MSRA: variants seen among roughly 807,000 people sequenced by gnomAD.
MSRA encodes the protein methionine sulfoxide reductase A, also known as mitochondrial peptide methionine sulfoxide reductase.
Under a neutral mutation model 31.3 loss-of-function variants are expected in MSRA, and 54 were observed. The ratio of observed to expected loss-of-function variants is 1.73; its 90% CI spans 1.39 to 2.17. MSRA has a LOEUF of 2.17. MSRA is among the 30% of genes most tolerant of loss of function. MSRA has a pLI of 0.00. For synonymous variants in MSRA, 169 were observed against 116.5 expected (o/e 1.45, Z -2.90); for missense variants, 507 against 300.9 (o/e 1.69, Z -5.07).
intron 5 of MSRA, 115 bp downstream of exon 5, chr8:10,320,104 C>G (rs927036460): frequency 3.1e-6 from 2 of 638,528 alleles, no homozygotes; most frequent in Non-Finnish European, 5.3e-6. Flanking sequence ...ATTTGCACAT[C>G]TCTTAGAAAT....
At chr8:10,092,642 C>CAAAAA (rs35804227) in intron 1 of MSRA, among the ~76,000 whole-genome samples, 1 of 145,676 alleles carries the variant, frequency 6.9e-6, no homozygotes, top group Non-Finnish European at 1.5e-5. Context: ...GATTCTGTCT[C>CAAAAA]AAAAAAAAAA....
At chr8:10,322,927 T>C (rs1585468334) in intron 5 of MSRA, among the ~76,000 whole-genome samples, 1 of 151,936 alleles carries the variant, frequency 6.6e-6, no homozygotes, top group African/African-American at 2.4e-5. Flanking sequence ...CGGTCTCTAC[T>C]AAAAATACAA....
chr8:10,378,036 T>A (rs1476959500), intron 5 of MSRA, among the ~76,000 whole-genome samples: 2 of 152,136 alleles, frequency 1.3e-5, no homozygotes, highest in Non-Finnish European at 2.9e-5. Context: ...AGGCCCCGGG[T>A]GGCCAGGCCA....
Position 10,140,359 on chromosome 8 carries a change from G to T in MSRA, c.143-67474G>T, listed in dbSNP as rs556042186. Among the ~76,000 whole-genome samples the T allele has an allele frequency of 2.6e-5, 4 of 152,296 alleles. No homozygotes were observed. In the South Asian group the frequency reaches 6.2e-4, roughly 24 times the overall value. On this transcript the variant is annotated intron_variant, in intron 1 of 5. Transcript: ENST00000317173. ...TCCTGCTTCTGCTGCTTTCTTGAAT[G>T]CCACAGTGCCATATTTTCAGGTAGC... is the stretch of plus-strand genomic sequence containing the variant.
At chr8:10,355,437 C>G (rs1022774774) in intron 5 of MSRA, among the ~76,000 whole-genome samples, 1 of 152,138 alleles carries the variant, frequency 6.6e-6, no homozygotes, top group Non-Finnish European at 1.5e-5. Flanking sequence ...TCAAAAAGAA[C>G]GATGTGTCGG....
At chr8:10,329,583 G>A (rs1802572847) in intron 5 of MSRA, among the ~76,000 whole-genome samples, 1 of 152,206 alleles carries the variant, frequency 6.6e-6, no homozygotes, top group African/African-American at 2.4e-5. Context: ...TTAGGGGATT[G>A]GAACATGGAC....
At chr8:10,073,531 A>G (rs1313911100) in intron 1 of MSRA, among the ~76,000 whole-genome samples, 1 of 149,282 alleles carries the variant, frequency 6.7e-6, no homozygotes, top group Non-Finnish European at 1.5e-5. Flanking sequence ...AGTTTCACCA[A>G]CTTTTTCTTT....
chr8:10,070,312 C>T (rs1797666295), intron 1 of MSRA, among the ~76,000 whole-genome samples: 1 of 152,180 alleles, frequency 6.6e-6, no homozygotes, highest in African/African-American at 2.4e-5. Context: ...TCTGGAGTCA[C>T]CTAGTCACAT....
intron 3 of MSRA, among the ~76,000 whole-genome samples, chr8:10,269,399 T>A (rs541008338): frequency 7.2e-5 from 11 of 152,350 alleles, no homozygotes; most frequent in African/African-American, 2.6e-4. Flanking sequence ...ATAGGCCTAC[T>A]TATGGAAGAA....
intron 1 of MSRA, among the ~76,000 whole-genome samples, chr8:10,138,359 G>T (rs532519215): frequency 6.6e-6 from 1 of 152,234 alleles, no homozygotes; most frequent in East Asian, 1.9e-4. Context: ...GGATGTCACA[G>T]TGAAGGGAGA....
At chr8:10,127,238 G>C (rs1585208468) in intron 1 of MSRA, among the ~76,000 whole-genome samples, 1 of 152,148 alleles carries the variant, frequency 6.6e-6, no homozygotes, top group East Asian at 1.9e-4. Context: ...GGAACGCTAA[G>C]CATGTGGGAG....
intron 4 of MSRA, among the ~76,000 whole-genome samples, chr8:10,316,289 T>C (rs17151713): frequency 0.16 from 23,835 of 151,908 alleles, 2,277 homozygotes; most frequent in African/African-American, 0.26. Flanking sequence ...GTTAAGATCA[T>C]GGACTTTGGA....
chr8:10,098,138 C>T (rs1799299334), intron 1 of MSRA, among the ~76,000 whole-genome samples: 1 of 152,094 alleles, frequency 6.6e-6, no homozygotes. Context: ...TTTTGTACTA[C>T]AAACACATTG....
intron 5 of MSRA, chr8:10,337,692 T>G (rs1271977280): frequency 1.4e-6 from 1 of 702,482 alleles, no homozygotes; most frequent in African/African-American, 1.7e-5. Context: ...AACCTTATAC[T>G]CCTCCTCTCT....
chr8:10,213,718 ATTC>A (rs755876165), intron 2 of MSRA, among the ~76,000 whole-genome samples: 2 of 151,878 alleles, frequency 1.3e-5, no homozygotes, highest in Non-Finnish European at 2.9e-5. Context: ...TTTCTTTGCC[ATTC>A]TTCTGTGGAT....
At chr8:10,125,028 A>G (rs1176747912) in intron 1 of MSRA, among the ~76,000 whole-genome samples, 1 of 152,232 alleles carries the variant, frequency 6.6e-6, no homozygotes, top group East Asian at 1.9e-4. Flanking sequence ...CTTTGATGCA[A>G]TTCACCTGTT....
intron 3 of MSRA, among the ~76,000 whole-genome samples, chr8:10,272,342 A>C (rs146231948): frequency 6.6e-6 from 1 of 152,206 alleles, no homozygotes; most frequent in South Asian, 2.1e-4. Flanking sequence ...AGCTGATGGC[A>C]TAGTTCCAGT....
chr8:10,298,168 T>A (rs1055455174), intron 3 of MSRA, among the ~76,000 whole-genome samples: 2 of 152,222 alleles, frequency 1.3e-5, no homozygotes, highest in East Asian at 3.8e-4. Flanking sequence ...TGAGCAATGT[T>A]TGTATGTCTG....
intron 5 of MSRA, among the ~76,000 whole-genome samples, chr8:10,333,811 C>G (rs903066351): frequency 6.6e-6 from 1 of 151,832 alleles, no homozygotes; most frequent in East Asian, 1.9e-4. Context: ...TCCACCCCAC[C>G]CCCCCCACGC....
Sources: allele counts gnomAD v4.1 joint callset (sites outside exome capture counted in the v4.1 genomes callset), GRCh38; gene constraint gnomAD v4.1.1; transcripts MANE v1.5; gene names NCBI Gene and HGNC (gene_info 2026-07-23, HGNC 2026-07-21).